MTRES1: variants seen among roughly 807,000 people sequenced by gnomAD.
MTRES1 encodes the protein mitochondrial transcription rescue factor 1.
Under a neutral mutation model 17.4 loss-of-function variants are expected in MTRES1, and 11 were observed. That is an observed-to-expected ratio of 0.63 (90% CI 0.40 to 1.05). The LOEUF (loss-of-function observed/expected upper bound fraction) is 1.05. Among genes scored for constraint, MTRES1 ranks in the 50% least tolerant of loss-of-function variants. The probability of loss-of-function intolerance (pLI) is 0.00; values close to 1 mark genes in which losing one functional copy is unlikely to be tolerated. For synonymous variants in MTRES1, 94 were observed against 99.6 expected, an observed-to-expected ratio of 0.94 and a Z score of 0.34; for missense variants, 268 against 276.2, an observed-to-expected ratio of 0.97 and a Z score of 0.21.
Position 107,040,117 on chromosome 6 carries a change from A to G in MTRES1, c.357A>G (p.Glu119=). The G allele has an allele frequency of 6.2e-7, 1 of 1,613,904 alleles. No homozygotes were observed. The highest frequency in any genetic ancestry group is 1.1e-5 in the South Asian group (1 of 91,032). Residue 119 remains glutamate (E), a synonymous_variant, in exon 2 of 4, where the codon GAA becomes GAG. Transcript: ENST00000311381. Reference sequence around the variant, plus strand: ...ATCATGATGAGATGAGTGAGCAGGAAGAGGAGCTTGAGGATGATCCTACTG... The same window carrying G: ...ATCATGATGAGATGAGTGAGCAGGAGGAGGAGCTTGAGGATGATCCTACTG... The part of the protein sequence containing the change: ...ESHHDEMSEQ[E]EELEDDPTVV...
chr6:107,043,269 A>G (rs311251), intron 2 of MTRES1, among the ~76,000 whole-genome samples: 143,553 of 151,816 alleles, frequency 0.95, 68,075 homozygotes, highest in East Asian at 1. Context: ...GGGAGGTGGA[A>G]GCTGCAGTGA....
intron 3 of MTRES1, among the ~76,000 whole-genome samples, chr6:107,045,751 C>A (rs998186186): frequency 8.5e-5 from 13 of 152,076 alleles, no homozygotes; most frequent in Non-Finnish European, 1.2e-4. Flanking sequence ...GTGTGGAAGA[C>A]ACAAGACACG....
chr6:107,040,305 G>A (rs1774159488), intron 2 of MTRES1, 75 bp downstream of exon 2: 2 of 1,368,058 alleles, frequency 1.5e-6, no homozygotes, highest in Middle Eastern at 2.0e-4. Flanking sequence ...AAATCACTTG[G>A]CCCATATTAT....
intron 1 of MTRES1, among the ~76,000 whole-genome samples, chr6:107,035,835 G>A (rs1211736483): frequency 6.6e-6 from 1 of 151,896 alleles, no homozygotes; most frequent in Non-Finnish European, 1.5e-5. Context: ...TTTTAGTAGA[G>A]ATGGGGTTTC....
At chr6:107,028,894 A>T in intron 1 of MTRES1, 1 of 985,314 alleles carries the variant, frequency 1.0e-6, no homozygotes, top group Non-Finnish European at 1.2e-6. Context: ...CACCAACGCC[A>T]AAGAGATCTT....
In MTRES1 at chr6:107,039,820, T is replaced by G; in HGVS notation, c.60T>G (p.Ile20Met). The G allele has an allele frequency of 1.2e-6, 2 of 1,613,446 alleles. No individual in the cohort carries two copies. The highest frequency in any genetic ancestry group is 1.7e-6 in the Non-Finnish European group (2 of 1,179,710). The stretch of plus-strand genomic sequence containing the variant: ...TTTTAAGAAAGCCAGATGCCTGGAT[T>G]GGACTCTGGGGTGTTCTCCGAGGGA... ...AGVLRKPDAW[I>M]GLWGVLRGTP... Residue 20 changes from isoleucine to methionine, a missense_variant, in exon 2 of 4, where the codon ATT (isoleucine) becomes ATG (methionine). Ile to Met is a conservative substitution (Grantham distance 10). Transcript: ENST00000311381.
intron 1 of MTRES1, among the ~76,000 whole-genome samples, chr6:107,036,356 C>T (rs1774006636): frequency 6.6e-6 from 1 of 151,670 alleles, no homozygotes; most frequent in African/African-American, 2.4e-5. Flanking sequence ...CGAGCCTGAC[C>T]AATATGGAGA....
chr6:107,029,920 A>G, intron 1 of MTRES1: 1 of 609,608 alleles, frequency 1.6e-6, no homozygotes, highest in South Asian at 2.0e-5. Flanking sequence ...TTGCCCTCTC[A>G]ATCCCCCTTA....
At chr6:107,038,793 G>A (rs746072735) in intron 1 of MTRES1, among the ~76,000 whole-genome samples, 12 of 152,152 alleles carry the variant, frequency 7.9e-5, no homozygotes, top group Admixed American at 2.6e-4. Flanking sequence ...GGTGGCTCAC[G>A]CCTGTAATCC....
At chr6:107,041,806 C>T (rs782347367) in intron 2 of MTRES1, among the ~76,000 whole-genome samples, 2 of 152,030 alleles carry the variant, frequency 1.3e-5, no homozygotes, top group African/African-American at 2.4e-5. Context: ...GGATTACAGG[C>T]GTGAGCCACC....
At position 107,028,220 on chromosome 6, in the gene MTRES1, A is replaced by G. The variant is rs1463225058; in HGVS notation, c.-64A>G. 5 of 152,016 alleles carry G rather than the reference A, an allele frequency of 3.3e-5. No homozygotes were observed. Among genetic ancestry groups the G allele is most frequent in the African/African-American group, 7.2e-5 (3 of 41,408 alleles). 9.4% of individuals were successfully genotyped at this position (152,016 alleles called of 1,614,324 possible). ...CGGGGCGCAGATAGGGGTAGCCTGG[A>G]GGCCTGCAGTCCGCGCGGCCGCGGG... On this transcript the variant is annotated 5_prime_UTR_variant, in exon 1 of 4. Transcript: ENST00000311381.
intron 3 of MTRES1, 86 bp downstream of exon 3, chr6:107,044,418 T>C: frequency 2.9e-6 from 3 of 1,027,648 alleles, no homozygotes; most frequent in Non-Finnish European, 4.5e-6. Context: ...AAATTTTCCC[T>C]CTGGCTCCTC....
At chr6:107,038,206 T>C (rs1774074018) in intron 1 of MTRES1, among the ~76,000 whole-genome samples, 1 of 152,140 alleles carries the variant, frequency 6.6e-6, no homozygotes, top group South Asian at 2.1e-4. Flanking sequence ...AAATTGGAAG[T>C]AGCTAGCTCC....
intron 1 of MTRES1, among the ~76,000 whole-genome samples, chr6:107,034,545 T>C (rs1582595526): frequency 6.6e-6 from 1 of 152,222 alleles, no homozygotes; most frequent in East Asian, 1.9e-4. Context: ...TTCAGCATGG[T>C]AGTAATGAGT....
At chr6:107,041,325 C>G (rs1413372362) in intron 2 of MTRES1, among the ~76,000 whole-genome samples, 1 of 151,164 alleles carries the variant, frequency 6.6e-6, no homozygotes, top group Non-Finnish European at 1.5e-5. Flanking sequence ...ACTTTCTGAC[C>G]CTCAGTTTTC....
rs138111434 is a variant in MTRES1 at position 107,037,489 on chromosome 6, C to T, written c.-12-2260C>T. 3.1e-3 allele frequency among the ~76,000 whole-genome samples: 473 copies of T among 152,264 alleles called. 5 individuals carry two copies. The highest frequency in any genetic ancestry group is 0.01 in the African/African-American group (428 of 41,544). On this transcript the variant is annotated intron_variant, in intron 1 of 3. Transcript: ENST00000311381. ...GACTCCAAAGTGGTGGGATTACAGG[C>T]GTGAGCCTGTACCCAGCCTGATTAT...
intron 3 of MTRES1, among the ~76,000 whole-genome samples, chr6:107,045,146 A>T (rs140007907): frequency 6.6e-6 from 1 of 150,376 alleles, no homozygotes; most frequent in Admixed American, 6.7e-5. Context: ...AATCATGCCA[A>T]TGCACTCCAG....
chr6:107,045,606 T>G (rs1364626635), intron 3 of MTRES1, among the ~76,000 whole-genome samples: 2 of 152,226 alleles, frequency 1.3e-5, no homozygotes, highest in Non-Finnish European at 2.9e-5. Flanking sequence ...GCATTATGGG[T>G]TATGTTAATT....
intron 2 of MTRES1, 178 bp downstream of exon 2, chr6:107,040,408 A>C: frequency 2.1e-6 from 1 of 472,532 alleles, no homozygotes; most frequent in Non-Finnish European, 3.6e-6. Flanking sequence ...CAAAGAAGTC[A>C]AGTGACTGCC....
Sources: allele counts gnomAD v4.1 joint callset (sites outside exome capture counted in the v4.1 genomes callset), GRCh38; gene constraint gnomAD v4.1.1; transcripts MANE v1.5; gene names NCBI Gene and HGNC (gene_info 2026-07-23, HGNC 2026-07-21).